Variants in AGT observed in about 807,000 individuals in gnomAD.
AGT encodes alpha-1 antiproteinase, antitrypsin.
Under a neutral mutation model 28.1 loss-of-function variants are expected in AGT, and 26 were observed. The ratio of observed to expected loss-of-function variants is 0.92; its 90% CI spans 0.68 to 1.28. The LOEUF is 1.28. Ranked by LOEUF, AGT falls within the 50% of genes most tolerant of loss-of-function variation. The probability of loss-of-function intolerance (pLI) is 0.00; values close to 1 mark genes in which losing one functional copy is unlikely to be tolerated. For missense variants in AGT, 596 were observed against 592.3 expected (o/e 1.01, Z -0.06); for synonymous variants, 259 against 259.6 (o/e 1.00, Z 0.02).
chr1:230,743,743 C>T (rs931549732), intron 1 of AGT, among the ~76,000 whole-genome samples: 3 of 152,250 alleles, frequency 2.0e-5, no homozygotes, highest in African/African-American at 7.2e-5. Flanking sequence ...GAGGTCATCT[C>T]CCTGCACCCA....
At position 230,724,521 on chromosome 1, in the gene AGT, C is replaced by T. The variant is rs183543235; in HGVS notation, c.-30-13668G>A. ...TAGTCACTTTTTCACCAATCGAAAA[C>T]TGATTAAAAAGAATATTGCTGGCTA... On this transcript the variant is annotated intron_variant, in intron 1 of 4. Transcript: ENST00000681269. Among the ~76,000 whole-genome samples the T allele has an allele frequency of 3.4e-3, 521 of 152,140 alleles. 4 individuals are homozygous for T. Among genetic ancestry groups the T allele is most frequent in the African/African-American group, 0.011 (477 of 41,524 alleles).
chr1:230,709,198 C>G (rs1181997089), intron 2 of AGT, among the ~76,000 whole-genome samples: 1 of 152,268 alleles, frequency 6.6e-6, no homozygotes, highest in Non-Finnish European at 1.5e-5. Context: ...CAGCCCTCCT[C>G]TGGCCTCCTC....
intron 3 of AGT, 92 bp from the exon 4 acceptor site, chr1:230,704,429 C>G: frequency 1.3e-6 from 2 of 1,499,728 alleles, no homozygotes; most frequent in South Asian, 1.2e-5. Context: ...TGCACCCAAC[C>G]CTGACGACAG....
chr1:230,710,079 C>G lies in AGT; in HGVS notation c.745G>C (p.Val249Leu). The G allele has an allele frequency of 6.2e-7, 1 of 1,614,228 alleles. No homozygotes were observed. The change falls in exon 2 of 5, where the codon GTG (valine) becomes CTG (leucine). Residue 249 changes from valine to leucine, a missense_variant. Physicochemically the swap from Val to Leu is conservative, Grantham distance 32. Transcript: ENST00000366667. ...GAGCAGCCAGTCTTCCATCCTGTCA[C>G]AGCCTGCATGAACCTGTCAATCTTC... Reference protein sequence around the residue: ...AEKIDRFMQAVTGWKTGCSLM... With the variant: ...AEKIDRFMQALTGWKTGCSLM...
chr1:230,736,913 C>T (rs1381323282), intron 1 of AGT, among the ~76,000 whole-genome samples: 3 of 152,184 alleles, frequency 2.0e-5, no homozygotes, highest in Admixed American at 2.0e-4. Context: ...GCTGGAAATT[C>T]TGTGAATCGG....
At chr1:230,712,795 A>C (rs1663634060) in intron 1 of AGT, among the ~76,000 whole-genome samples, 1 of 152,184 alleles carries the variant, frequency 6.6e-6, no homozygotes, top group South Asian at 2.1e-4. Context: ...GTCTGCACGC[A>C]GCCGCGTCCT....
Position 230,737,259 on chromosome 1 carries a change from C to T in AGT, c.-31+8256G>A, listed in dbSNP as rs112277173. On this transcript the variant is annotated intron_variant, in intron 1 of 4. Transcript: ENST00000681269. ...CTGACACATGCAGGAGTCATCTGCA[C>T]AAAGTGCCATGCGTAGGTGACTACT... 1.6e-3 allele frequency among the ~76,000 whole-genome samples: 248 copies of T among 152,204 alleles called. 3 individuals are homozygous for T. The highest frequency in any genetic ancestry group is 5.8e-3 in the African/African-American group (242 of 41,532).
In AGT at chr1:230,704,242, G is replaced by C; in HGVS notation, c.1193C>G (p.Thr398Ser). Residue 398 changes from threonine (T) to serine (S), a missense_variant, in exon 4 of 5, where the codon ACC (threonine) becomes AGC (serine). Thr to Ser is a moderately conservative substitution (Grantham distance 58, BLOSUM62 1). Coordinates refer to ENST00000366667, the MANE Select transcript of AGT (RefSeq NM_001384479.1). ...GCTCAATTTTTGCAGGTTCAGCTCG[G>C]TGTGCAGAATGGCGGGCAGCTCAGC... ...AQAELPAILH[T>S]ELNLQKLSND... The C allele has an allele frequency of 3.1e-6, 5 of 1,614,266 alleles. No individual in the cohort carries two copies. The highest frequency in any genetic ancestry group is 4.2e-6 in the Non-Finnish European group (5 of 1,180,048).
At chr1:230,734,908 G>A (rs61826453) in intron 1 of AGT, among the ~76,000 whole-genome samples, 9,209 of 151,930 alleles carry the variant, frequency 0.061, 329 homozygotes, top group African/African-American at 0.084. Context: ...TAGAGACAGG[G>A]TTTCACCATG....
chr1:230,737,755 C>T (rs1028122683), intron 1 of AGT, among the ~76,000 whole-genome samples: 2 of 152,182 alleles, frequency 1.3e-5, no homozygotes, highest in African/African-American at 4.8e-5. Context: ...ACTGTACATA[C>T]AATTCACCTA....
chr1:230,715,111 G>A (rs1663702939), upstream of AGT, among the ~76,000 whole-genome samples: 1 of 152,140 alleles, frequency 6.6e-6, no homozygotes. Context: ...AATTACCCAG[G>A]AATGGAACAT....
chr1:230,715,033 G>A (rs1333300956), upstream of AGT, among the ~76,000 whole-genome samples: 1 of 152,134 alleles, frequency 6.6e-6, no homozygotes, highest in Non-Finnish European at 1.5e-5. Flanking sequence ...GAAGGGACAG[G>A]AAGGAAGATC....
chr1:230,709,012 T>A (rs762470948), intron 2 of AGT, among the ~76,000 whole-genome samples: 1 of 152,196 alleles, frequency 6.6e-6, no homozygotes, highest in Non-Finnish European at 1.5e-5. Flanking sequence ...GCTCCTAGCT[T>A]CACCAGCCCT....
upstream of AGT, among the ~76,000 whole-genome samples, chr1:230,717,502 T>C (rs954477682): frequency 6.6e-6 from 1 of 152,166 alleles, no homozygotes; most frequent in African/African-American, 2.4e-5. Context: ...GAAGGGTAAA[T>C]ACAGGAATGG....
chr1:230,711,940 A>C (rs1326883), intron 1 of AGT, among the ~76,000 whole-genome samples: 20,596 of 152,092 alleles, frequency 0.14, 2,184 homozygotes, highest in African/African-American at 0.29. Context: ...GCTGGGCTTC[A>C]GCCTCAGCTG....
intron 1 of AGT, among the ~76,000 whole-genome samples, chr1:230,744,591 G>T (rs1218818447): frequency 6.6e-6 from 1 of 152,128 alleles, no homozygotes; most frequent in Non-Finnish European, 1.5e-5. Context: ...AAACCTTTTT[G>T]GTGTGTTTCC....
chr1:230,706,749 C>T (rs1024250909), intron 2 of AGT, among the ~76,000 whole-genome samples: 2 of 152,186 alleles, frequency 1.3e-5, no homozygotes, highest in African/African-American at 4.8e-5. Context: ...CCTACACTGA[C>T]ACGTCCTCAG....
chr1:230,708,154 G>A (rs1214433390), intron 2 of AGT, among the ~76,000 whole-genome samples: 1 of 152,220 alleles, frequency 6.6e-6, no homozygotes, highest in African/African-American at 2.4e-5. Context: ...AGTGGGGCAG[G>A]GTCAGGGCAG....
chr1:230,735,549 C>T (rs1394094916), intron 1 of AGT, among the ~76,000 whole-genome samples: 1 of 152,084 alleles, frequency 6.6e-6, no homozygotes, highest in East Asian at 1.9e-4. Context: ...TTGGAGGAGG[C>T]CTGCCCCTGG....
Sources: gnomAD v4.1 joint callset for allele counts (sites outside exome capture counted in the v4.1 genomes callset) on GRCh38, gnomAD v4.1.1 for gene constraint, MANE v1.5 for transcripts, NCBI Gene and HGNC (gene_info 2026-07-23, HGNC 2026-07-21) for gene names.